Variants in TMEM132D observed in about 807,000 individuals in gnomAD.
The protein encoded by TMEM132D is mature OL transmembrane protein.
TMEM132D carries 21 observed loss-of-function variants against 62.3 expected under a neutral mutation model. The observed-to-expected ratio is 0.34, with a 90% CI of 0.24 to 0.49. The LOEUF (loss-of-function observed/expected upper bound fraction) is 0.49, where lower values mean the gene tolerates loss of function less well. TMEM132D is among the 20% of genes least tolerant of loss of function. The pLI is 0.99. For missense variants in TMEM132D, 1,346 were observed against 1,402.8 expected (o/e 0.96, Z 0.65); for synonymous variants, 621 against 575.6 (o/e 1.08, Z -1.13).
At chr12:129,708,496 A>G (rs578156660) in intron 1 of TMEM132D, among the ~76,000 whole-genome samples, 8 of 151,056 alleles carry the variant, frequency 5.3e-5, no homozygotes, top group Non-Finnish European at 1.0e-4. Context: ...CTGAATGCCT[A>G]TCGGTCTCCC....
At chr12:129,558,223 A>G (rs528276302) in intron 2 of TMEM132D, among the ~76,000 whole-genome samples, 1 of 152,198 alleles carries the variant, frequency 6.6e-6, no homozygotes, top group Non-Finnish European at 1.5e-5. Flanking sequence ...TCCTGACCAA[A>G]TGAAGAGACA....
intron 2 of TMEM132D, among the ~76,000 whole-genome samples, chr12:129,619,575 G>T (rs1362996888): frequency 6.6e-6 from 1 of 152,136 alleles, no homozygotes; most frequent in Non-Finnish European, 1.5e-5. Context: ...CCACCCATTT[G>T]ATTTTTTAAC....
chr12:129,726,665 G>A (rs545022961), intron 1 of TMEM132D, among the ~76,000 whole-genome samples: 5 of 152,284 alleles, frequency 3.3e-5, no homozygotes, highest in Admixed American at 6.5e-5. Context: ...ACGGTAGACA[G>A]AGGGGTGAGG....
At chr12:129,750,621 G>T (rs1261245611) in intron 1 of TMEM132D, among the ~76,000 whole-genome samples, 1 of 152,156 alleles carries the variant, frequency 6.6e-6, no homozygotes, top group East Asian at 1.9e-4. Flanking sequence ...CATGGTTATG[G>T]AATTGTCTTA....
Position 129,553,229 on chromosome 12 carries a change from C to T in TMEM132D, c.969-22024G>A, listed in dbSNP as rs11060431. Among the ~76,000 whole-genome samples, 225 of 152,096 alleles carry T rather than the reference C, an allele frequency of 1.5e-3. 2 individuals are homozygous for T. Among genetic ancestry groups the T allele is most frequent in the Non-Finnish European group, 2.7e-3 (184 of 67,992 alleles). On this transcript the variant is annotated intron_variant, in intron 2 of 8. Transcript: ENST00000422113. ...TCACCACTGCTGCCCCGATGCCCAG[C>T]TCTTCACTCTGCCACAGTGGCCCGT... is the stretch of plus-strand genomic sequence containing the variant.
intron 1 of TMEM132D, among the ~76,000 whole-genome samples, chr12:129,729,690 A>G (rs1300282439): frequency 6.6e-6 from 1 of 152,156 alleles, no homozygotes; most frequent in Non-Finnish European, 1.5e-5. Context: ...TTCTTTGATC[A>G]TGAGTAGAGC....
chr12:129,864,049 G>A (rs1873982041), intron 1 of TMEM132D, among the ~76,000 whole-genome samples: 1 of 152,198 alleles, frequency 6.6e-6, no homozygotes, highest in African/African-American at 2.4e-5. Flanking sequence ...AGAACAGCAT[G>A]TAGCTGAGAT....
intron 1 of TMEM132D, among the ~76,000 whole-genome samples, chr12:129,709,606 C>T (rs1462444051): frequency 1.3e-5 from 2 of 152,120 alleles, no homozygotes; most frequent in African/African-American, 4.8e-5. Flanking sequence ...GTGCCTCCTT[C>T]CTCCTGACGT....
chr12:129,082,040 A>G lies in TMEM132D; in HGVS notation c.1650-8T>C. 1 of 1,595,580 alleles carries G rather than the reference A, an allele frequency of 6.3e-7. No homozygotes were observed. Among genetic ancestry groups the G allele is most frequent in the Non-Finnish European group, 8.6e-7 (1 of 1,168,884 alleles). Reference sequence around the variant, plus strand: ...TCACTGTCCCCGGCAGGCCTGTGAAAGAAGCAGTGCAGTTTGCAGACAGTT... The same window carrying G: ...TCACTGTCCCCGGCAGGCCTGTGAAGGAAGCAGTGCAGTTTGCAGACAGTT... On this transcript the variant is annotated splice_polypyrimidine_tract_variant and splice_region_variant and intron_variant, in intron 6 of 8. Transcript: ENST00000422113.
chr12:129,356,654 CAATA>C (rs200753521), intron 3 of TMEM132D, among the ~76,000 whole-genome samples: 78 of 116,096 alleles, frequency 6.7e-4, no homozygotes, highest in African/African-American at 1.5e-3. Flanking sequence ...CCTGTCTCTA[CAATA>C]AATAAATAAA....
chr12:129,854,453 G>T (rs913855699), intron 1 of TMEM132D: 1 of 152,178 alleles, frequency 6.6e-6, no homozygotes, highest in Non-Finnish European at 1.5e-5. Context: ...TCGCCAAGTG[G>T]GGCAAGAAAA....
At chr12:129,518,494 A>AC (rs1350055311) in intron 3 of TMEM132D, among the ~76,000 whole-genome samples, 6 of 149,240 alleles carry the variant, frequency 4.0e-5, no homozygotes, top group Admixed American at 3.3e-4. Flanking sequence ...TCTTGACTAT[A>AC]TTGTGTGTGT....
chr12:129,893,362 A>C lies in TMEM132D; in HGVS notation c.79+9899T>G, dbSNP rs560798088. Among the ~76,000 whole-genome samples, 4 of 152,286 alleles carry C rather than the reference A, an allele frequency of 2.6e-5. No homozygotes were observed. In the East Asian group the frequency reaches 7.7e-4, roughly 29 times the overall value. On this transcript the variant is annotated intron_variant, in intron 1 of 8. Coordinates refer to ENST00000422113, the MANE Select transcript of TMEM132D (RefSeq NM_133448.3). ...TCGATCAATGATAATAAAAATCAGG[A>C]TTATGATTTCTTTTGAGTAAGAAGC...
intron 4 of TMEM132D, among the ~76,000 whole-genome samples, chr12:129,337,165 G>A (rs1201914792): frequency 1.3e-5 from 2 of 152,082 alleles, no homozygotes; most frequent in East Asian, 1.9e-4. Context: ...AAGAACGCTG[G>A]TCAATATTTT....
chr12:129,458,592 C>T (rs143849913), intron 3 of TMEM132D, among the ~76,000 whole-genome samples: 85 of 152,250 alleles, frequency 5.6e-4, no homozygotes, highest in African/African-American at 1.9e-3. Flanking sequence ...AGAAATAGAT[C>T]TGTAAAAACC....
intron 3 of TMEM132D, among the ~76,000 whole-genome samples, chr12:129,420,800 T>C (rs7132705): frequency 0.71 from 107,209 of 151,916 alleles, 37,911 homozygotes; most frequent in East Asian, 0.76. Flanking sequence ...ATTGAACACT[T>C]CGTGGGAATG....
chr12:129,860,299 G>A (rs1873852113), intron 1 of TMEM132D, among the ~76,000 whole-genome samples: 1 of 152,230 alleles, frequency 6.6e-6, no homozygotes, highest in Non-Finnish European at 1.5e-5. Flanking sequence ...TGTCATGGGA[G>A]ACTCTAGGGA....
chr12:129,393,089 T>G (rs553430245), intron 3 of TMEM132D, among the ~76,000 whole-genome samples: 24 of 152,316 alleles, frequency 1.6e-4, no homozygotes, highest in African/African-American at 5.8e-4. Flanking sequence ...TCCTGATTTT[T>G]CAAACAAGGC....
At chr12:129,401,013 C>T (rs1156289342) in intron 3 of TMEM132D, among the ~76,000 whole-genome samples, 1 of 152,164 alleles carries the variant, frequency 6.6e-6, no homozygotes, top group Admixed American at 6.5e-5. Flanking sequence ...AGACTCTCCT[C>T]TTCCATTACA....
Sources: allele counts gnomAD v4.1 joint callset (sites outside exome capture counted in the v4.1 genomes callset), GRCh38; gene constraint gnomAD v4.1.1; transcripts MANE v1.5; gene names NCBI Gene and HGNC (gene_info 2026-07-23, HGNC 2026-07-21).